Variants in MAPK10 observed in about 807,000 individuals in gnomAD.
The protein encoded by MAPK10 is JNK3 alpha protein kinase.
A neutral mutation model predicts 59.3 loss-of-function variants in MAPK10; 25 were observed. That is an observed-to-expected ratio of 0.42 (90% CI 0.31 to 0.59). The LOEUF (loss-of-function observed/expected upper bound fraction) is 0.59. Ranked by LOEUF, MAPK10 falls within the 20% of genes least tolerant of loss-of-function variation. The pLI, the probability that MAPK10 is intolerant of heterozygous loss-of-function variation, is 0.15. For missense variants in MAPK10, 351 were observed against 568.9 expected (o/e 0.62, Z 3.90); for synonymous variants, 190 against 200.5 (o/e 0.95, Z 0.44).
rs376759546 is a variant in MAPK10 at position 86,431,772 on chromosome 4, G to A, written c.-122+21258C>T. On this transcript the variant is annotated intron_variant, in intron 1 of 13. Transcript: ENST00000361569. ...TATTTACTAAGCTATAGGAAGAGTC[G>A]TGTTATGAAAAGAGAAACATGTGCA... Among the ~76,000 whole-genome samples the A allele has an allele frequency of 2.6e-5, 4 of 152,278 alleles. No individual in the cohort carries two copies. In the South Asian group the frequency reaches 6.2e-4, roughly 24 times the overall value.
chr4:86,061,259 A>G (rs2148980869), intron 11 of MAPK10, among the ~76,000 whole-genome samples: 1 of 152,280 alleles, frequency 6.6e-6, no homozygotes, highest in African/African-American at 2.4e-5. Flanking sequence ...TGTGTGTAAT[A>G]TATTTGCCCT....
chr4:86,350,811 G>T (rs1275887234), intron 2 of MAPK10, among the ~76,000 whole-genome samples: 1 of 152,146 alleles, frequency 6.6e-6, no homozygotes, highest in African/African-American at 2.4e-5. Context: ...AGTATGCTAG[G>T]CTACTTAAAT....
chr4:86,545,425 G>C (rs1405641421), intron 1 of MAPK10, among the ~76,000 whole-genome samples: 1 of 152,168 alleles, frequency 6.6e-6, no homozygotes, highest in African/African-American at 2.4e-5. Context: ...GCTCTCTTCT[G>C]AGAACTTTCT....
intron 1 of MAPK10, 54 bp from the exon 2 acceptor site, chr4:86,354,698 T>C (rs1390298569): frequency 8.1e-6 from 6 of 740,614 alleles, no homozygotes; most frequent in African/African-American, 7.3e-5. Flanking sequence ...TAAATTTGTA[T>C]TTAGAAAACC....
intron 2 of MAPK10, among the ~76,000 whole-genome samples, chr4:86,339,679 C>T (rs950462673): frequency 2.0e-5 from 3 of 152,156 alleles, no homozygotes; most frequent in Non-Finnish European, 4.4e-5. Flanking sequence ...CCTCAATTTA[C>T]TCATCTGTAA....
At chr4:86,552,975 T>C (rs1367697337) in intron 1 of MAPK10, among the ~76,000 whole-genome samples, 1 of 152,190 alleles carries the variant, frequency 6.6e-6, no homozygotes, top group Non-Finnish European at 1.5e-5. Context: ...TGCTGCCTGT[T>C]GTCCTATGAG....
intron 1 of MAPK10, chr4:86,358,480 G>T (rs535640601): frequency 2.5e-4 from 142 of 563,562 alleles, no homozygotes; most frequent in Non-Finnish European, 2.7e-4. Flanking sequence ...AAGCAGGCAG[G>T]GCTGCTGTAC....
Position 86,386,377 on chromosome 4 carries a change from A to G in MAPK10, c.-121-31733T>C, listed in dbSNP as rs1741473585. ...TGGGAGTTGCCTGCCCACAGCAGGA[A>G]GTATCTCCCTTCACCTCTAGAGCCT... On this transcript the variant is annotated intron_variant, in intron 1 of 13. Coordinates refer to the MAPK10 transcript ENST00000361569. Among the ~76,000 whole-genome samples the G allele has an allele frequency of 2.0e-5, 3 of 152,308 alleles. No homozygotes were observed. In the South Asian group the frequency reaches 6.2e-4, roughly 32 times the overall value.
chr4:86,352,231 GAACT>G (rs1256963640), intron 2 of MAPK10: 2 of 151,750 alleles, frequency 1.3e-5, no homozygotes, highest in African/African-American at 2.4e-5. Context: ...GAAACTATGA[GAACT>G]AATATATATA....
intron 1 of MAPK10, among the ~76,000 whole-genome samples, chr4:86,458,506 G>C (rs1259782188): frequency 6.6e-6 from 1 of 152,026 alleles, no homozygotes; most frequent in African/African-American, 2.4e-5. Context: ...CACATGACCT[G>C]ATTTCAAACT....
chr4:86,466,666 C>T (rs1378540893), intron 1 of MAPK10, among the ~76,000 whole-genome samples: 1 of 152,184 alleles, frequency 6.6e-6, no homozygotes, highest in African/African-American at 2.4e-5. Context: ...AAGTCTTTCA[C>T]AGAACATGTA....
chr4:86,246,225 A>G (rs1183632984), intron 2 of MAPK10, among the ~76,000 whole-genome samples: 1 of 152,140 alleles, frequency 6.6e-6, no homozygotes, highest in Non-Finnish European at 1.5e-5. Flanking sequence ...AGGTCAGGAG[A>G]TCGAGACTAT....
chr4:86,370,188 A>G (rs1436109185), intron 1 of MAPK10, among the ~76,000 whole-genome samples: 1 of 152,148 alleles, frequency 6.6e-6, no homozygotes, highest in Non-Finnish European at 1.5e-5. Flanking sequence ...ATCATATGCT[A>G]TTTGGAGGTG....
At chr4:86,207,380 G>A (rs183957891) in intron 2 of MAPK10, among the ~76,000 whole-genome samples, 12,808 of 151,780 alleles carry the variant, frequency 0.084, 1,194 homozygotes, top group African/African-American at 0.23. Context: ...TATTTCTGAG[G>A]GCTCTGTTCT....
At chr4:86,544,138 G>A (rs888207966) in intron 1 of MAPK10, among the ~76,000 whole-genome samples, 1 of 152,126 alleles carries the variant, frequency 6.6e-6, no homozygotes, top group Non-Finnish European at 1.5e-5. Context: ...AAAGAATGCC[G>A]GAGACAGGTT....
chr4:86,266,333 G>A (rs1337381206), intron 2 of MAPK10, among the ~76,000 whole-genome samples: 2 of 152,062 alleles, frequency 1.3e-5, no homozygotes, highest in Non-Finnish European at 2.9e-5. Flanking sequence ...GTATGACCTC[G>A]GCATACAGAC....
At chr4:86,450,568 C>T (rs922420410) in intron 1 of MAPK10, among the ~76,000 whole-genome samples, 2 of 152,132 alleles carry the variant, frequency 1.3e-5, no homozygotes, top group African/African-American at 2.4e-5. Context: ...GCCTCTGCCT[C>T]GTCAGTTACC....
At chr4:86,493,872 T>C (rs1754668225) in intron 1 of MAPK10, among the ~76,000 whole-genome samples, 1 of 152,156 alleles carries the variant, frequency 6.6e-6, no homozygotes, top group African/African-American at 2.4e-5. Context: ...GAAGGTAAAG[T>C]CTTAAGCCTT....
chr4:86,083,933 T>C (rs1357148900), intron 9 of MAPK10, among the ~76,000 whole-genome samples: 1 of 152,076 alleles, frequency 6.6e-6, no homozygotes, highest in Non-Finnish European at 1.5e-5. Flanking sequence ...CCAGATGATA[T>C]TTCTAGACAC....
Sources: allele counts gnomAD v4.1 joint callset (sites outside exome capture counted in the v4.1 genomes callset), GRCh38; gene constraint gnomAD v4.1.1; transcripts MANE v1.5; gene names NCBI Gene and HGNC (gene_info 2026-07-23, HGNC 2026-07-21).